Variants in ADAM10 observed in about 807,000 individuals in gnomAD.
The protein encoded by ADAM10 is ADAM metallopeptidase domain 10, also known as disintegrin and metalloproteinase domain-containing protein 10.
A neutral mutation model predicts 90.1 loss-of-function variants in ADAM10; 17 were observed. The ratio of observed to expected loss-of-function variants is 0.19; its 90% CI spans 0.13 to 0.28. The LOEUF is 0.28. Ranked by LOEUF, ADAM10 falls within the 10% of genes least tolerant of loss-of-function variation. ADAM10 has a pLI of 1.00. For synonymous variants in ADAM10, 310 were observed against 298.6 expected (o/e 1.04, Z -0.40); for missense variants, 610 against 914.3 (o/e 0.67, Z 4.29).
At chr15:58,604,932 G>C (rs1345984518) in intron 14 of ADAM10, among the ~76,000 whole-genome samples, 3 of 152,084 alleles carry the variant, frequency 2.0e-5, no homozygotes, top group Non-Finnish European at 4.4e-5. Flanking sequence ...GCACACACAG[G>C]TCTTGCTAGA....
rs528564100 is a variant in ADAM10, at chr15:58,592,095, T to G, written c.*5452A>C. 6.6e-6 allele frequency: 1 copy of G among 152,216 alleles called. No individual in the cohort carries two copies. 9.4% of individuals were successfully genotyped at this position (152,216 alleles called of 1,614,324 possible). A position where few individuals can be genotyped will look rare whatever the true frequency, so the allele number is the denominator to read the frequency against. ...GTCCCTCTGTCCCCTGTATTTCTAA[T>G]GAAGGGGTAGTTAGATCAGGAGGCT... is the stretch of plus-strand genomic sequence containing the variant. On this transcript the variant is annotated 3_prime_UTR_variant, in exon 16 of 16. Coordinates refer to ENST00000260408, the MANE Select transcript of ADAM10 (RefSeq NM_001110.4).
intron 5 of ADAM10, among the ~76,000 whole-genome samples, chr15:58,653,955 GA>G (rs1896749258): frequency 6.6e-6 from 1 of 152,102 alleles, no homozygotes; most frequent in African/African-American, 2.4e-5. Flanking sequence ...ATGTGTCTAA[GA>G]ATGTATCCAT....
intron 5 of ADAM10, chr15:58,655,506 C>A (rs988018097): frequency 6.6e-6 from 1 of 150,780 alleles, no homozygotes; most frequent in Non-Finnish European, 1.5e-5. Flanking sequence ...GGGGGATCTG[C>A]CCCCATGATC....
intron 13 of ADAM10, 86 bp downstream of exon 13, chr15:58,610,913 T>A (rs777251492): frequency 5.0e-5 from 51 of 1,022,698 alleles, no homozygotes; most frequent in Non-Finnish European, 7.8e-5. Flanking sequence ...CTGGCCAAAC[T>A]GTAGGTCAAA....
intron 2 of ADAM10, among the ~76,000 whole-genome samples, chr15:58,694,323 TG>T (rs1897913466): frequency 6.6e-6 from 1 of 152,132 alleles, no homozygotes; most frequent in Non-Finnish European, 1.5e-5. Context: ...TGGTGGCAGG[TG>T]CCTGTAATCT....
chr15:58,694,488 G>A (rs568259059), intron 2 of ADAM10, among the ~76,000 whole-genome samples: 1 of 152,080 alleles, frequency 6.6e-6, no homozygotes, highest in African/African-American at 2.4e-5. Context: ...AGGCGAGTTG[G>A]CTAGTGCCTG....
intron 9 of ADAM10, among the ~76,000 whole-genome samples, chr15:58,631,357 G>T (rs960493028): frequency 6.6e-6 from 1 of 152,134 alleles, no homozygotes; most frequent in African/African-American, 2.4e-5. Flanking sequence ...AGCGTGGTAG[G>T]CAAAGAGTGT....
At chr15:58,721,430 T>TG (rs774831121) in intron 1 of ADAM10, among the ~76,000 whole-genome samples, 1 of 152,164 alleles carries the variant, frequency 6.6e-6, no homozygotes, top group Admixed American at 6.5e-5. Flanking sequence ...CTCAGTACTG[T>TG]GGGAAAAAAA....
intron 8 of ADAM10, among the ~76,000 whole-genome samples, chr15:58,636,682 T>TA (rs1236644743): frequency 2.0e-5 from 3 of 152,046 alleles, no homozygotes; most frequent in Non-Finnish European, 4.4e-5. Context: ...GAGCTAAAGT[T>TA]AGAGTATCTG....
At chr15:58,727,868 T>C (rs555499690) in intron 1 of ADAM10, among the ~76,000 whole-genome samples, 4 of 152,188 alleles carry the variant, frequency 2.6e-5, no homozygotes, top group African/African-American at 9.6e-5. Context: ...TAAGTATTTA[T>C]GTACATAAAA....
intron 5 of ADAM10, among the ~76,000 whole-genome samples, chr15:58,648,138 ACTAT>A (rs1361366356): frequency 8.5e-5 from 13 of 152,244 alleles, no homozygotes; most frequent in Non-Finnish European, 1.5e-5. Context: ...AACCATTTTG[ACTAT>A]CTATATGTGT....
At chr15:58,702,384 T>G (rs1221042257) in intron 2 of ADAM10, among the ~76,000 whole-genome samples, 1 of 152,136 alleles carries the variant, frequency 6.6e-6, no homozygotes, top group Non-Finnish European at 1.5e-5. Flanking sequence ...GTGCAAATGT[T>G]TGATAGCAGA....
chr15:58,619,207 T>C (rs1157223479), intron 11 of ADAM10, among the ~76,000 whole-genome samples: 7 of 152,142 alleles, frequency 4.6e-5, no homozygotes, highest in African/African-American at 1.7e-4. Context: ...GAAGTCATCA[T>C]GTTAAATAAA....
At chr15:58,624,605 C>G (rs1162021456) in intron 10 of ADAM10, among the ~76,000 whole-genome samples, 1 of 152,184 alleles carries the variant, frequency 6.6e-6, no homozygotes, top group Non-Finnish European at 1.5e-5. Context: ...GATCTTGGCT[C>G]ACTGCAACCT....
At chr15:58,645,094 C>T (rs1245051953) in intron 6 of ADAM10, among the ~76,000 whole-genome samples, 1 of 152,130 alleles carries the variant, frequency 6.6e-6, no homozygotes, top group African/African-American at 2.4e-5. Context: ...AAGTTATTTT[C>T]AAAGAAATTG....
chr15:58,681,153 C>T (rs1192121861), intron 3 of ADAM10, among the ~76,000 whole-genome samples: 5 of 152,196 alleles, frequency 3.3e-5, no homozygotes, highest in South Asian at 2.1e-4. Flanking sequence ...TTTACGGCCT[C>T]GGACTTTTCT....
intron 1 of ADAM10, chr15:58,748,935 G>GAACA (rs1255613851): frequency 2.5e-6 from 1 of 398,616 alleles, no homozygotes; most frequent in Non-Finnish European, 4.4e-6. Context: ...GCCGGGTAAA[G>GAACA]AACAATACAC....
intron 2 of ADAM10, among the ~76,000 whole-genome samples, chr15:58,706,373 A>AC (rs1253643604): frequency 6.6e-6 from 1 of 152,184 alleles, no homozygotes; most frequent in Admixed American, 6.5e-5. Context: ...ACTAGGAGTA[A>AC]CTGTACTTAA....
chr15:58,747,542 C>CA (rs1312005934), intron 1 of ADAM10: 1 of 152,130 alleles, frequency 6.6e-6, no homozygotes, highest in Non-Finnish European at 1.5e-5. Flanking sequence ...AAAAATAGCT[C>CA]AGATTAGTAG....
Sources: allele counts gnomAD v4.1 joint callset (sites outside exome capture counted in the v4.1 genomes callset), GRCh38; gene constraint gnomAD v4.1.1; transcripts MANE v1.5; gene names NCBI Gene and HGNC (gene_info 2026-07-23, HGNC 2026-07-21).